MED13: variants seen among roughly 807,000 people sequenced by gnomAD.
MED13 encodes the protein mediator complex subunit 13.
MED13 carries 23 observed loss-of-function variants against 225.2 expected under a neutral mutation model. The observed-to-expected ratio is 0.10, with a 90% CI of 0.07 to 0.14. The LOEUF is 0.14. MED13 is among the 10% of genes least tolerant of loss of function. The probability of loss-of-function intolerance (pLI) is 1.00; values close to 1 mark genes in which losing one functional copy is unlikely to be tolerated. For synonymous variants in MED13, 942 were observed against 889.2 expected, an observed-to-expected ratio of 1.06 and a Z score of -1.06; for missense variants, 2,197 against 2,594.5, an observed-to-expected ratio of 0.85 and a Z score of 3.33.
chr17:61,950,038 T>C (rs1200303355), intron 28 of MED13, among the ~76,000 whole-genome samples: 1 of 152,208 alleles, frequency 6.6e-6, no homozygotes, highest in Non-Finnish European at 1.5e-5. Context: ...CAGTGCAGTA[T>C]GATGTAATTC....
At chr17:62,030,058 G>A in intron 6 of MED13, 45 bp from the exon 7 acceptor site, 4 of 1,396,826 alleles carry the variant, frequency 2.9e-6, no homozygotes, top group Non-Finnish European at 3.8e-6. Flanking sequence ...ATAAAGGTAG[G>A]TTTAAAGTAA....
chr17:62,052,763 A>G, intron 2 of MED13, 58 bp from the exon 3 acceptor site: 1 of 1,318,800 alleles, frequency 7.6e-7, no homozygotes, highest in African/African-American at 1.5e-5. Context: ...TTCAGAGCCA[A>G]GTAAAAAAGG....
At chr17:62,039,422 A>G (rs2080833707) in intron 3 of MED13, among the ~76,000 whole-genome samples, 1 of 152,022 alleles carries the variant, frequency 6.6e-6, no homozygotes, top group African/African-American at 2.4e-5. Context: ...AGCTGGGATT[A>G]CAGGCACCCA....
At chr17:61,952,345 T>C (rs2079903694) in intron 27 of MED13, among the ~76,000 whole-genome samples, 1 of 152,064 alleles carries the variant, frequency 6.6e-6, no homozygotes, top group South Asian at 2.1e-4. Flanking sequence ...TATGAGAAAA[T>C]TAATATTTTT....
At chr17:62,060,699 ACTAT>A (rs965712836) in intron 2 of MED13, among the ~76,000 whole-genome samples, 13 of 149,444 alleles carry the variant, frequency 8.7e-5, no homozygotes, top group African/African-American at 3.2e-4. Context: ...GTTCAAGATC[ACTAT>A]CTATTTTTTT....
At chr17:62,042,742 G>A (rs1399600624) in intron 3 of MED13, among the ~76,000 whole-genome samples, 1 of 151,866 alleles carries the variant, frequency 6.6e-6, no homozygotes, top group Non-Finnish European at 1.5e-5. Context: ...CGGTCTATAG[G>A]GGTCCATAAT....
At position 62,044,296 on chromosome 17, in the gene MED13, T is replaced by A. The variant is rs527424272; in HGVS notation, c.470+8241A>T. Among the ~76,000 whole-genome samples the A allele has an allele frequency of 1.8e-4, 27 of 152,134 alleles. No homozygotes were observed. In the South Asian group the frequency reaches 4.8e-3, roughly 27 times the overall value. On this transcript the variant is annotated intron_variant, in intron 3 of 29. Transcript: ENST00000397786. ...AAAAGTACTGTTTTAATTATAAATATAAAGGTTCTTGTGTAAGCAATACCA... is the reference window on the plus strand; with the variant it reads ...AAAAGTACTGTTTTAATTATAAATAAAAAGGTTCTTGTGTAAGCAATACCA...
At chr17:61,998,181 T>G (rs1026452320) in intron 9 of MED13, among the ~76,000 whole-genome samples, 4 of 152,204 alleles carry the variant, frequency 2.6e-5, no homozygotes, top group African/African-American at 9.6e-5. Flanking sequence ...AATTATATAG[T>G]ACACATACAC....
chr17:62,046,688 T>A (rs2080900408), intron 3 of MED13, among the ~76,000 whole-genome samples: 1 of 151,984 alleles, frequency 6.6e-6, no homozygotes, highest in Non-Finnish European at 1.5e-5. Context: ...TCTACAAAAA[T>A]TAACCAGCCT....
chr17:62,024,118 A>G (rs2080676921), intron 8 of MED13, among the ~76,000 whole-genome samples: 1 of 152,136 alleles, frequency 6.6e-6, no homozygotes, highest in South Asian at 2.1e-4. Context: ...TCCGGGTTCA[A>G]GCGATTCTCC....
intron 3 of MED13, among the ~76,000 whole-genome samples, chr17:62,040,184 T>C (rs986217600): frequency 6.6e-6 from 1 of 152,194 alleles, no homozygotes; most frequent in African/African-American, 2.4e-5. Flanking sequence ...AGAAATGTTA[T>C]TTGTATCATC....
intron 16 of MED13, among the ~76,000 whole-genome samples, chr17:61,979,768 C>T (rs537962683): frequency 6.6e-6 from 1 of 152,294 alleles, no homozygotes; most frequent in East Asian, 1.9e-4. Flanking sequence ...TGTGAACCCA[C>T]TCCAATCAGA....
intron 24 of MED13, 109 bp downstream of exon 24, chr17:61,956,230 A>C (rs1417419685): frequency 1.8e-6 from 2 of 1,104,012 alleles, no homozygotes; most frequent in Non-Finnish European, 2.5e-6. Flanking sequence ...GTGGTTCCTT[A>C]TTTGATAACC....
At chr17:62,048,037 CATATACATAT>C (rs1332024454) in intron 3 of MED13, among the ~76,000 whole-genome samples, 4 of 121,358 alleles carry the variant, frequency 3.3e-5, no homozygotes, top group Non-Finnish European at 6.6e-5. Flanking sequence ...TATACATATA[CATATACATAT>C]ATATATATAT....
At chr17:62,002,666 T>A (rs889143606) in intron 9 of MED13, among the ~76,000 whole-genome samples, 1 of 152,154 alleles carries the variant, frequency 6.6e-6, no homozygotes, top group South Asian at 2.1e-4. Context: ...CAGCAGGTAA[T>A]AAATTATCCA....
intron 2 of MED13, among the ~76,000 whole-genome samples, chr17:62,060,772 T>C (rs1467107411): frequency 6.6e-6 from 1 of 151,650 alleles, no homozygotes. Context: ...AGATCTCGGC[T>C]CACTGCAACC....
At chr17:62,056,475 T>G (rs763212162) in intron 2 of MED13, among the ~76,000 whole-genome samples, 23 of 152,142 alleles carry the variant, frequency 1.5e-4, no homozygotes, top group Non-Finnish European at 2.5e-4. Flanking sequence ...ACTATTTTCC[T>G]CCTCTAGCCA....
chr17:61,952,629 A>G (rs2079906285), intron 27 of MED13, among the ~76,000 whole-genome samples: 1 of 152,214 alleles, frequency 6.6e-6, no homozygotes, highest in Non-Finnish European at 1.5e-5. Flanking sequence ...AACTCTTGCT[A>G]ATTTCCAAGG....
intron 4 of MED13, among the ~76,000 whole-genome samples, chr17:62,034,631 G>A (rs1388046671): frequency 1.3e-5 from 2 of 151,900 alleles, no homozygotes; most frequent in Non-Finnish European, 2.9e-5. Context: ...AAACAATATA[G>A]ATATATAAAT....
Sources: allele counts gnomAD v4.1 joint callset (sites outside exome capture counted in the v4.1 genomes callset), GRCh38; gene constraint gnomAD v4.1.1; transcripts MANE v1.5; gene names NCBI Gene and HGNC (gene_info 2026-07-23, HGNC 2026-07-21).